VPS13D: variants seen among roughly 807,000 people sequenced by gnomAD.
VPS13D encodes the protein vacuolar protein sorting 13 homolog D, also known as intermembrane lipid transfer protein VPS13D.
VPS13D carries 187 observed loss-of-function variants against 461.9 expected under a neutral mutation model. That is an observed-to-expected ratio of 0.40 (90% CI 0.36 to 0.46). The LOEUF (loss-of-function observed/expected upper bound fraction) is 0.46. Among genes scored for constraint, VPS13D ranks in the 20% least tolerant of loss-of-function variants. The pLI, the probability that VPS13D is intolerant of heterozygous loss-of-function variation, is 0.60. For missense variants in VPS13D, 4,711 were observed against 5,364.9 expected, an observed-to-expected ratio of 0.88 and a Z score of 3.81; for synonymous variants, 1,951 against 1,986.3, an observed-to-expected ratio of 0.98 and a Z score of 0.47.
In VPS13D at chr1:12,363,045, T is replaced by C. The variant is rs187971247; in HGVS notation, c.10273-27T>C. 565 of 1,611,926 alleles carry C rather than the reference T, an allele frequency of 3.5e-4. 5 individuals carry two copies. In the African/African-American group the frequency reaches 6.2e-3, roughly 18 times the overall value. ...TATTGTCATGAATCGACTTGTTGACTAAAGCCTGTGATCCTATGTGTTTTA... is the reference window on the plus strand; with the variant it reads ...TATTGTCATGAATCGACTTGTTGACCAAAGCCTGTGATCCTATGTGTTTTA... On this transcript the variant is annotated intron_variant, in intron 51 of 69. Coordinates refer to ENST00000620676, the MANE Select transcript of VPS13D (RefSeq NM_015378.4).
At position 12,379,472 on chromosome 1, in the gene VPS13D, G is replaced by A. The variant is rs1644243598; in HGVS notation, c.11082-16G>A. Reference sequence around the variant, plus strand: ...ACTCGGAGGTTTCATGGTTCATTGTGTATTCCGTTTTCCAGATACGAGCCA... The same window carrying A: ...ACTCGGAGGTTTCATGGTTCATTGTATATTCCGTTTTCCAGATACGAGCCA... On this transcript the variant is annotated splice_polypyrimidine_tract_variant and intron_variant, in intron 56 of 69. Coordinates refer to ENST00000620676, the MANE Select transcript of VPS13D (RefSeq NM_015378.4). 1 of 1,609,692 alleles carries A rather than the reference G, an allele frequency of 6.2e-7. No homozygotes were observed. Among genetic ancestry groups the A allele is most frequent in the African/African-American group, 1.3e-5 (1 of 74,728 alleles).
At chr1:12,321,401 C>T (rs1229339540) in intron 32 of VPS13D, among the ~76,000 whole-genome samples, 1 of 152,110 alleles carries the variant, frequency 6.6e-6, no homozygotes, top group East Asian at 1.9e-4. Context: ...TTCTTAAAAT[C>T]CATATGGTCT....
intron 60 of VPS13D, among the ~76,000 whole-genome samples, chr1:12,398,976 C>G (rs1644536205): frequency 6.6e-6 from 1 of 152,142 alleles, no homozygotes; most frequent in South Asian, 2.1e-4. Context: ...CAGCTTCTTC[C>G]TCTGTGATAT....
intron 34 of VPS13D, among the ~76,000 whole-genome samples, chr1:12,323,458 A>C (rs1643096921): frequency 6.6e-6 from 1 of 152,008 alleles, no homozygotes; most frequent in Non-Finnish European, 1.5e-5. Flanking sequence ...GATGCGAAAT[A>C]GACCTTCCCC....
chr1:12,231,140 C>T (rs892042314), intron 1 of VPS13D, among the ~76,000 whole-genome samples: 2 of 152,246 alleles, frequency 1.3e-5, no homozygotes, highest in Non-Finnish European at 2.9e-5. Flanking sequence ...GTCTGCCCGC[C>T]CGTGGGCTCA....
intron 65 of VPS13D, among the ~76,000 whole-genome samples, chr1:12,445,919 C>G (rs1421830379): frequency 5.9e-5 from 9 of 152,186 alleles, no homozygotes; most frequent in African/African-American, 2.2e-4. Context: ...TGGTCTTACC[C>G]AGATACATGA....
chr1:12,254,243 G>A (rs1218561951), intron 7 of VPS13D, among the ~76,000 whole-genome samples: 5 of 151,960 alleles, frequency 3.3e-5, no homozygotes, highest in Admixed American at 1.3e-4. Flanking sequence ...GTCTCACTCT[G>A]TTGTCCATGC....
rs779911165 is a variant in VPS13D, at chr1:12,314,147, A to C, written c.6968A>C (p.Glu2323Ala). 14 of 1,614,040 alleles carry C rather than the reference A, an allele frequency of 8.7e-6. No individual in the cohort carries two copies. The highest frequency in any genetic ancestry group is 1.2e-5 in the Non-Finnish European group (14 of 1,180,032). The change falls in exon 30 of 70, where the codon GAA becomes GCA. Residue 2323 changes from glutamate (E) to alanine (A), a missense_variant. Coordinates refer to ENST00000620676, the MANE Select transcript of VPS13D (RefSeq NM_015378.4). ...FDFKKCKLLY[E>A]SFSNQTKSIN... Reference sequence around the variant, plus strand: ...TTCAAGAAATGCAAACTGCTCTATGAAAGTTTTTCCAACCAAACCAAGTCC... The same window carrying C: ...TTCAAGAAATGCAAACTGCTCTATGCAAGTTTTTCCAACCAAACCAAGTCC...
At chr1:12,259,414 C>G (rs1641032693) in intron 10 of VPS13D, among the ~76,000 whole-genome samples, 1 of 151,084 alleles carries the variant, frequency 6.6e-6, no homozygotes, top group Admixed American at 6.6e-5. Context: ...CTCCTTGGTT[C>G]AAGGGATCCT....
At chr1:12,455,850 C>G in intron 65 of VPS13D, 148 bp from the exon 66 acceptor site, 1 of 964,350 alleles carries the variant, frequency 1.0e-6, no homozygotes, top group East Asian at 3.3e-5. Flanking sequence ...GCCTGGGAGG[C>G]GGAGGTTGTG....
rs552617897 is a variant in VPS13D at position 12,483,781 on chromosome 1, C to T, written c.12663-13719C>T. 4.6e-5 allele frequency among the ~76,000 whole-genome samples: 7 copies of T among 152,108 alleles called. No individual in the cohort carries two copies. In the East Asian group the frequency reaches 1.4e-3, roughly 29 times the overall value. On this transcript the variant is annotated intron_variant, in intron 67 of 69. Transcript: ENST00000620676. ...TTGGGAGGCCGAGGTGGGCGGATCA[C>T]GAGGTCAGGAGTTCGAGACCAGCCT... is the stretch of plus-strand genomic sequence containing the variant.
At chr1:12,323,879 T>C (rs1569906292) in intron 35 of VPS13D, 99 bp downstream of exon 35, 1 of 1,276,202 alleles carries the variant, frequency 7.8e-7, no homozygotes, top group Non-Finnish European at 1.1e-6. Context: ...GAGAGCTGAG[T>C]GTGTTTGGAG....
At chr1:12,340,585 C>T (rs1443545285) in intron 40 of VPS13D, among the ~76,000 whole-genome samples, 4 of 152,194 alleles carry the variant, frequency 2.6e-5, no homozygotes, top group African/African-American at 7.2e-5. Flanking sequence ...TTTGTCTTCT[C>T]GATTTTGTTG....
intron 65 of VPS13D, among the ~76,000 whole-genome samples, chr1:12,439,596 G>A (rs1238867884): frequency 1.3e-5 from 2 of 152,096 alleles, no homozygotes; most frequent in Admixed American, 6.5e-5. Context: ...TACAACATAC[G>A]AATTTTGGAG....
intron 65 of VPS13D, among the ~76,000 whole-genome samples, chr1:12,423,994 T>C (rs1644893905): frequency 6.6e-6 from 1 of 152,264 alleles, no homozygotes; most frequent in South Asian, 2.1e-4. Context: ...GTATCTGTTT[T>C]TGTCATTATG....
intron 10 of VPS13D, among the ~76,000 whole-genome samples, chr1:12,259,045 CTT>C (rs577485964): frequency 2.8e-5 from 4 of 144,646 alleles, no homozygotes; most frequent in Non-Finnish European, 3.0e-5. Flanking sequence ...TCTTCTTCTT[CTT>C]TTTTTTTTTT....
intron 45 of VPS13D, 48 bp downstream of exon 45, chr1:12,349,021 T>C: frequency 6.2e-7 from 1 of 1,612,300 alleles, no homozygotes; most frequent in African/African-American, 1.3e-5. Flanking sequence ...AAATACTTCT[T>C]GACTGTTGTC....
At chr1:12,384,616 TTTTA>T (rs947094101) in intron 58 of VPS13D, among the ~76,000 whole-genome samples, 2 of 151,962 alleles carry the variant, frequency 1.3e-5, no homozygotes, top group Non-Finnish European at 2.9e-5. Context: ...CAACACCACT[TTTTA>T]TTTATTTATT....
In VPS13D at chr1:12,485,267, G is replaced by A. The variant is rs190834506; in HGVS notation, c.12663-12233G>A. On this transcript the variant is annotated intron_variant, in intron 67 of 69. Transcript: ENST00000620676. ...ACTGTGAAGAGGGTTCTGAGCGGCT[G>A]TTCTCTCCTGACCTGACCGCAGCAG... Among the ~76,000 whole-genome samples the A allele has an allele frequency of 1.2e-3, 188 of 152,364 alleles. 1 individual carries two copies. The highest frequency in any genetic ancestry group is 8.5e-3 in the South Asian group (41 of 4,830).
Sources: gnomAD v4.1 joint callset for allele counts (sites outside exome capture counted in the v4.1 genomes callset) on GRCh38, gnomAD v4.1.1 for gene constraint, MANE v1.5 for transcripts, NCBI Gene and HGNC (gene_info 2026-07-23, HGNC 2026-07-21) for gene names.